The following DNAH11 variants were observed in gnomAD, a reference collection of about 807,000 sequenced individuals.
DNAH11 encodes the protein axonemal beta dynein heavy chain 11.
Under a neutral mutation model 526.0 loss-of-function variants are expected in DNAH11, and 442 were observed. The ratio of observed to expected loss-of-function variants is 0.84; its 90% confidence interval spans 0.78 to 0.91. DNAH11 has a LOEUF of 0.91. Among genes scored for constraint, DNAH11 ranks in the 40% least tolerant of loss-of-function variants. The probability of loss-of-function intolerance (pLI) is 0.00; values close to 1 mark genes in which losing one functional copy is unlikely to be tolerated. For missense variants in DNAH11, 6,989 were observed against 5,448.7 expected (o/e 1.28, Z -8.90); for synonymous variants, 2,461 against 1,935.9 (o/e 1.27, Z -7.12).
intron 54 of DNAH11, among the ~76,000 whole-genome samples, chr7:21,760,549 A>G (rs538277867): frequency 7.9e-5 from 12 of 152,350 alleles, no homozygotes; most frequent in African/African-American, 2.4e-4. Context: ...AATTACTGAG[A>G]TACCTTGATA....
rs942305761 is a variant in DNAH11, at chr7:21,735,622, T to G, written c.7441-18T>G. 6.4e-7 allele frequency: 1 copy of G among 1,560,158 alleles called. No individual in the cohort carries two copies. The highest frequency in any genetic ancestry group is 8.7e-7 in the Non-Finnish European group (1 of 1,150,582). On this transcript the variant is annotated intron_variant, in intron 45 of 81. Transcript: ENST00000409508. ...CTCTCTCTTTCTGATCTTTGTCTCA[T>G]TCTGTTTCTCCTCCCAGACAGTTCT... is the stretch of plus-strand genomic sequence containing the variant.
intron 30 of DNAH11, among the ~76,000 whole-genome samples, chr7:21,666,421 A>G (rs781698743): frequency 9.2e-5 from 14 of 152,128 alleles, no homozygotes; most frequent in Non-Finnish European, 1.9e-4. Flanking sequence ...AAAGAGAGAT[A>G]GAAGTGTTTT....
In DNAH11 at chr7:21,901,349, T is replaced by C; in HGVS notation, c.*95T>C. On this transcript the variant is annotated 3_prime_UTR_variant, in exon 82 of 82. Transcript: ENST00000409508. ...TCCCATGCACATTATTCTAACTTTTTAGTAACTCACACGTGCATTCTTTTT... is the reference window on the plus strand; with the variant it reads ...TCCCATGCACATTATTCTAACTTTTCAGTAACTCACACGTGCATTCTTTTT... The C allele has an allele frequency of 7.2e-7, 1 of 1,391,580 alleles. No homozygotes were observed. The highest frequency in any genetic ancestry group is 9.4e-7 in the Non-Finnish European group (1 of 1,064,506). 86.2% of individuals were successfully genotyped at this position (1,391,580 alleles called of 1,614,324 possible).
At chr7:21,670,886 G>C (rs1314966439) in intron 30 of DNAH11, among the ~76,000 whole-genome samples, 2 of 151,960 alleles carry the variant, frequency 1.3e-5, no homozygotes. Flanking sequence ...GTGTGTGTGT[G>C]TGTGTGTATT....
At chr7:21,707,114 T>G (rs1784297573) in intron 39 of DNAH11, among the ~76,000 whole-genome samples, 2 of 152,266 alleles carry the variant, frequency 1.3e-5, no homozygotes, top group African/African-American at 4.8e-5. Context: ...TCCTTCCCCC[T>G]TCTTCCCCCA....
chr7:21,782,271 G>A (rs1015604027), intron 57 of DNAH11, among the ~76,000 whole-genome samples: 3 of 152,186 alleles, frequency 2.0e-5, no homozygotes, highest in African/African-American at 7.2e-5. Flanking sequence ...ACTTACAGTT[G>A]TAGGGGGAAA....
chr7:21,878,069 A>C (rs1481266691), intron 74 of DNAH11, among the ~76,000 whole-genome samples: 3 of 152,208 alleles, frequency 2.0e-5, no homozygotes, highest in Non-Finnish European at 2.9e-5. Flanking sequence ...TACAAATAGC[A>C]CTACTATGGG....
chr7:21,809,879 G>A (rs1311533132), intron 63 of DNAH11, among the ~76,000 whole-genome samples: 1 of 151,984 alleles, frequency 6.6e-6, no homozygotes, highest in East Asian at 1.9e-4. Flanking sequence ...TTTGATTTTT[G>A]CATATGGTGA....
intron 14 of DNAH11, among the ~76,000 whole-genome samples, chr7:21,598,057 G>C (rs1178663015): frequency 6.6e-6 from 1 of 152,000 alleles, no homozygotes. Context: ...GCCTTATTAG[G>C]ATCTGTACTT....
chr7:21,824,443 A>G (rs955231744), intron 65 of DNAH11, among the ~76,000 whole-genome samples: 1 of 152,166 alleles, frequency 6.6e-6, no homozygotes, highest in Non-Finnish European at 1.5e-5. Context: ...AATAACATAC[A>G]TAAAATATAT....
intron 2 of DNAH11, among the ~76,000 whole-genome samples, chr7:21,550,870 T>A (rs1358105092): frequency 6.6e-6 from 1 of 152,220 alleles, no homozygotes; most frequent in African/African-American, 2.4e-5. Flanking sequence ...TTAGTCTTTC[T>A]ACTTTGGGCA....
At chr7:21,560,701 G>A (rs930202346) in intron 4 of DNAH11, among the ~76,000 whole-genome samples, 2 of 152,154 alleles carry the variant, frequency 1.3e-5, no homozygotes, top group Admixed American at 1.3e-4. Context: ...TGCCCACCCA[G>A]ATTGAGGGTG....
chr7:21,877,808 GA>G (rs1783775334), intron 74 of DNAH11, among the ~76,000 whole-genome samples: 1 of 141,952 alleles, frequency 7.0e-6, no homozygotes, highest in South Asian at 2.3e-4. Context: ...CCGGGAGGCA[GA>G]GGTTGCAATG....
At chr7:21,598,637 C>T (rs1784956699) in intron 14 of DNAH11, among the ~76,000 whole-genome samples, 2 of 150,792 alleles carry the variant, frequency 1.3e-5, no homozygotes, top group Admixed American at 6.6e-5. Context: ...TGTGCTTAAA[C>T]AAGGTCTGAA....
intron 65 of DNAH11, among the ~76,000 whole-genome samples, chr7:21,818,805 C>T (rs1163462151): frequency 6.6e-6 from 1 of 152,074 alleles, no homozygotes; most frequent in Non-Finnish European, 1.5e-5. Context: ...TGTAACCATT[C>T]GGAAAAGGAG....
chr7:21,552,731 C>A (rs1783068760), intron 2 of DNAH11, among the ~76,000 whole-genome samples: 1 of 152,150 alleles, frequency 6.6e-6, no homozygotes. Context: ...TTATTTTCTC[C>A]CAGTTAATAG....
At chr7:21,720,635 C>G in intron 43 of DNAH11, 90 bp from the exon 44 acceptor site, 2 of 1,386,128 alleles carry the variant, frequency 1.4e-6, no homozygotes, top group Non-Finnish European at 1.9e-6. Context: ...TATGTACTCT[C>G]TTAAGGATAA....
At chr7:21,797,439 A>C (rs1277278499) in intron 61 of DNAH11, among the ~76,000 whole-genome samples, 1 of 151,596 alleles carries the variant, frequency 6.6e-6, no homozygotes, top group African/African-American at 2.4e-5. Flanking sequence ...GGCTGGTCTC[A>C]AACTCGTGAC....
intron 18 of DNAH11, among the ~76,000 whole-genome samples, chr7:21,606,196 GC>G (rs1785273512): frequency 6.6e-6 from 1 of 152,114 alleles, no homozygotes; most frequent in African/African-American, 2.4e-5. Context: ...GGTGGTACAT[GC>G]CTGTAGTTCC....
Sources: gnomAD v4.1 joint callset for allele counts (sites outside exome capture counted in the v4.1 genomes callset) on GRCh38, gnomAD v4.1.1 for gene constraint, MANE v1.5 for transcripts, NCBI Gene and HGNC (gene_info 2026-07-23, HGNC 2026-07-21) for gene names.